Variants in CDH23 observed in about 807,000 individuals in gnomAD.
CDH23 encodes the protein cadherin related 23.
CDH23 carries 189 observed loss-of-function variants against 317.1 expected under a neutral mutation model. That is an observed-to-expected ratio of 0.60 (90% CI 0.53 to 0.67). CDH23 has a LOEUF of 0.67. Ranked by LOEUF, CDH23 falls within the 30% of genes least tolerant of loss-of-function variation. CDH23 has a pLI of 0.00. For synonymous variants in CDH23, 1,839 were observed against 1,876.8 expected, an observed-to-expected ratio of 0.98 and a Z score of 0.52; for missense variants, 4,401 against 4,592.4, an observed-to-expected ratio of 0.96 and a Z score of 1.20.
At chr10:71,615,269 A>C (rs917668800) in intron 9 of CDH23, among the ~76,000 whole-genome samples, 1 of 152,206 alleles carries the variant, frequency 6.6e-6, no homozygotes, top group Non-Finnish European at 1.5e-5. Context: ...CAGAGACCAG[A>C]AGGAGATTGG....
intron 14 of CDH23, among the ~76,000 whole-genome samples, chr10:71,666,973 A>C (rs1863925760): frequency 6.6e-6 from 1 of 152,262 alleles, no homozygotes; most frequent in Admixed American, 6.5e-5. Flanking sequence ...TTTCTGCTCC[A>C]TCAATCCTTA....
chr10:71,745,181 G>A (rs1293451826), intron 38 of CDH23, among the ~76,000 whole-genome samples: 1 of 152,250 alleles, frequency 6.6e-6, no homozygotes, highest in African/African-American at 2.4e-5. Context: ...CTGAAGAAAT[G>A]AAGTTGAGTA....
chr10:71,716,471 C>T lies in CDH23; in HGVS notation c.3369+3658C>T, dbSNP rs1195346751. ...GTTAAACTGGACAGCATCATGGCCA[C>T]ATCACAGGTTAAGACAGCAAGGTCC... On this transcript the variant is annotated intron_variant, in intron 28 of 69. Coordinates refer to ENST00000224721, the MANE Select transcript of CDH23 (RefSeq NM_022124.6). 1.4e-5 allele frequency: 10 copies of T among 699,312 alleles called. No individual in the cohort carries two copies. The East Asian group carries it at 2.3e-4, about 16-fold the overall frequency. The allele number at this position is 699,312 out of a possible 1,614,324, so 43.3% of individuals were successfully genotyped here.
chr10:71,661,750 A>G (rs1458967741), intron 14 of CDH23, among the ~76,000 whole-genome samples: 1 of 6,876 alleles, frequency 1.5e-4, no homozygotes, highest in Non-Finnish European at 2.8e-4. Flanking sequence ...GCGCCCTCCC[A>G]CCCTGCGCGC....
At chr10:71,561,356 C>T (rs1029117360) in intron 6 of CDH23, among the ~76,000 whole-genome samples, 2 of 151,934 alleles carry the variant, frequency 1.3e-5, no homozygotes, top group Admixed American at 6.6e-5. Context: ...GTTCCTCCTT[C>T]CTGCCTCTCT....
intron 49 of CDH23, 44 bp from the exon 50 acceptor site, chr10:71,798,310 A>G (rs766924203): frequency 6.8e-6 from 10 of 1,472,800 alleles, no homozygotes; most frequent in Middle Eastern, 3.4e-4. Flanking sequence ...GCCCAGCCAC[A>G]CTAGTGTCCT....
At chr10:71,786,404 A>G (rs1478625528) in intron 44 of CDH23, among the ~76,000 whole-genome samples, 3 of 151,210 alleles carry the variant, frequency 2.0e-5, no homozygotes, top group Admixed American at 2.0e-4. Flanking sequence ...CAGTTTCCCT[A>G]TCGGTCTAGC....
At chr10:71,764,661 C>T (rs1840485628) in intron 38 of CDH23, among the ~76,000 whole-genome samples, 1 of 152,130 alleles carries the variant, frequency 6.6e-6, no homozygotes, top group South Asian at 2.1e-4. Context: ...CGCCAGAGTC[C>T]GTCCGTACTA....
In CDH23 at chr10:71,529,195, G is replaced by A. The variant is rs551277611; in HGVS notation, c.429+17983G>A. Among the ~76,000 whole-genome samples, 3 of 152,292 alleles carry A rather than the reference G, an allele frequency of 2.0e-5. 1 individual carries two copies. The highest frequency in any genetic ancestry group is 7.2e-5 in the African/African-American group (3 of 41,558). Reference sequence around the variant, plus strand: ...CTCTGTTTCCACTAAGCTCCCAGGCGATGCCAGTGCTGCTGGTCCTCCGAC... The same window carrying A: ...CTCTGTTTCCACTAAGCTCCCAGGCAATGCCAGTGCTGCTGGTCCTCCGAC... On this transcript the variant is annotated intron_variant, in intron 6 of 69. Transcript: ENST00000224721.
In CDH23 at chr10:71,645,917, G is replaced by A. The variant is rs371212430; in HGVS notation, c.1227G>A (p.Ala409=). Residue 409 remains alanine, a synonymous_variant, in exon 13 of 70, where the codon GCG becomes GCA. Coordinates refer to ENST00000224721, the MANE Select transcript of CDH23 (RefSeq NM_022124.6). The stretch of plus-strand genomic sequence containing the variant: ...CCCCGACCTCCGTCCAGGGGAAGGC[G>A]GACATTCGTATTCGGGTGGCCATCC... The part of the protein sequence containing the change: ...IISPTSVQGK[A]DIRIRVAIPL... The A allele has an allele frequency of 2.2e-4, 363 of 1,613,528 alleles. 2 individuals are homozygous for A. In the South Asian group the frequency reaches 3.1e-3, roughly 14 times the overall value.
intron 3 of CDH23, among the ~76,000 whole-genome samples, chr10:71,504,476 C>T (rs1564620366): frequency 6.6e-6 from 1 of 152,204 alleles, no homozygotes. Context: ...ATACTTGGAT[C>T]GCTTCCCCCT....
chr10:71,408,426 T>A (rs1182400156), intron 1 of CDH23, among the ~76,000 whole-genome samples: 1 of 152,192 alleles, frequency 6.6e-6, no homozygotes, highest in Non-Finnish European at 1.5e-5. Flanking sequence ...AATATCAGCA[T>A]CTCGTGCCTG....
At chr10:71,482,263 C>G (rs1436510924) in intron 3 of CDH23, among the ~76,000 whole-genome samples, 1 of 152,110 alleles carries the variant, frequency 6.6e-6, no homozygotes, top group Non-Finnish European at 1.5e-5. Flanking sequence ...TTTCCCTCCC[C>G]TTCTCTCCTT....
chr10:71,678,261 A>G (rs2132671406), intron 16 of CDH23, among the ~76,000 whole-genome samples: 1 of 152,222 alleles, frequency 6.6e-6, no homozygotes, highest in South Asian at 2.1e-4. Flanking sequence ...GAAGTGCTGC[A>G]GCTGGAAGGA....
Position 71,751,741 on chromosome 10 carries a change from C to T in CDH23, c.4845+9820C>T, listed in dbSNP as rs1840009113. 1 of 1,599,756 alleles carries T rather than the reference C, an allele frequency of 6.3e-7. No homozygotes were observed. Among genetic ancestry groups the T allele is most frequent in the East Asian group, 2.2e-5 (1 of 44,620 alleles). On this transcript the variant is annotated intron_variant, in intron 38 of 69. Transcript: ENST00000224721. This position sits in a 1 kb window ranked among gnomAD's most constrained non-coding sequence, Gnocchi z 4.9. ...TGCTGGGCTCCGAAAGCAGATGCCG[C>T]CCAGACTCAGAAGGCTGCCGCTGGG...
intron 28 of CDH23, among the ~76,000 whole-genome samples, chr10:71,723,081 A>T (rs978959646): frequency 2.0e-5 from 3 of 152,290 alleles, no homozygotes; most frequent in Admixed American, 6.5e-5. Flanking sequence ...GGCAGCTCCC[A>T]TGCACACCAC....
intron 14 of CDH23, among the ~76,000 whole-genome samples, chr10:71,668,604 A>G (rs1388455066): frequency 6.6e-6 from 1 of 152,222 alleles, no homozygotes; most frequent in African/African-American, 2.4e-5. Flanking sequence ...TGCTGGTCCT[A>G]TAGGGCTGTT....
intron 7 of CDH23, among the ~76,000 whole-genome samples, chr10:71,568,886 G>T (rs1279927051): frequency 6.6e-6 from 1 of 152,198 alleles, no homozygotes; most frequent in Admixed American, 6.5e-5. Flanking sequence ...GCTGGGCAGG[G>T]GCATTTGTGG....
intron 9 of CDH23, among the ~76,000 whole-genome samples, chr10:71,613,246 G>A (rs1219120421): frequency 2.0e-5 from 3 of 152,194 alleles, no homozygotes; most frequent in Non-Finnish European, 4.4e-5. Context: ...CCCAGCTAAA[G>A]AAACTCCCTT....
Sources: allele counts gnomAD v4.1 joint callset (sites outside exome capture counted in the v4.1 genomes callset), GRCh38; gene constraint gnomAD v4.1.1; non-coding constraint Gnocchi (gnomAD v3.1); transcripts MANE v1.5; gene names NCBI Gene and HGNC (gene_info 2026-07-23, HGNC 2026-07-21).